Variants in CABCOCO1 observed in about 807,000 individuals in gnomAD.
CABCOCO1 encodes ciliary associated calcium binding coiled-coil 1.
A neutral mutation model predicts 35.7 loss-of-function variants in CABCOCO1; 28 were observed. The ratio of observed to expected loss-of-function variants is 0.78; its 90% CI spans 0.58 to 1.07. The LOEUF is 1.07. Ranked by LOEUF, CABCOCO1 falls within the 50% of genes least tolerant of loss-of-function variation. CABCOCO1 has a pLI of 0.00. For synonymous variants in CABCOCO1, 95 were observed against 100.1 expected, an observed-to-expected ratio of 0.95 and a Z score of 0.30; for missense variants, 326 against 309.2, an observed-to-expected ratio of 1.05 and a Z score of -0.41.
chr10:61,696,682 T>C (rs1191055269), intron 5 of CABCOCO1, among the ~76,000 whole-genome samples: 4 of 151,942 alleles, frequency 2.6e-5, no homozygotes, highest in Non-Finnish European at 5.9e-5. Context: ...TTTTTATTTT[T>C]TTGGTTGAGA....
At chr10:61,672,112 A>AT (rs1265032577) in intron 1 of CABCOCO1, among the ~76,000 whole-genome samples, 1 of 152,164 alleles carries the variant, frequency 6.6e-6, no homozygotes, top group Non-Finnish European at 1.5e-5. Flanking sequence ...GTTCATTCAC[A>AT]TGGGGCATTG....
intron 7 of CABCOCO1, among the ~76,000 whole-genome samples, chr10:61,765,476 G>A (rs1206949645): frequency 6.6e-6 from 1 of 152,182 alleles, no homozygotes; most frequent in Non-Finnish European, 1.5e-5. Flanking sequence ...TGTTCTAATT[G>A]TAAGGTTATT....
intron 5 of CABCOCO1, among the ~76,000 whole-genome samples, chr10:61,704,098 C>T (rs1194834827): frequency 1.3e-5 from 2 of 151,964 alleles, no homozygotes; most frequent in Admixed American, 1.3e-4. Flanking sequence ...GTGGCAGGCA[C>T]CTGCAATCCC....
At chr10:61,752,177 G>C (rs1841802904) in intron 5 of CABCOCO1, among the ~76,000 whole-genome samples, 1 of 152,200 alleles carries the variant, frequency 6.6e-6, no homozygotes, top group African/African-American at 2.4e-5. Context: ...GCCATATATG[G>C]AATAAAAGGC....
chr10:61,743,600 G>A (rs1484380151), intron 5 of CABCOCO1, among the ~76,000 whole-genome samples: 1 of 152,148 alleles, frequency 6.6e-6, no homozygotes, highest in Non-Finnish European at 1.5e-5. Flanking sequence ...CAGAGGTCTT[G>A]TAGTTACAAA....
intron 5 of CABCOCO1, among the ~76,000 whole-genome samples, chr10:61,710,087 A>C (rs778767585): frequency 6.6e-6 from 1 of 152,072 alleles, no homozygotes; most frequent in Non-Finnish European, 1.5e-5. Context: ...AAACAAGAAG[A>C]AATTTGCCTG....
intron 2 of CABCOCO1, among the ~76,000 whole-genome samples, chr10:61,680,241 G>T (rs1839668005): frequency 6.7e-6 from 1 of 149,734 alleles, no homozygotes; most frequent in African/African-American, 2.5e-5. Context: ...GAACTGGAGA[G>T]GCAGCGGTTG....
intron 6 of CABCOCO1, among the ~76,000 whole-genome samples, 192 bp from the exon 7 acceptor site, chr10:61,760,671 G>A (rs1200368791): frequency 6.6e-6 from 1 of 152,004 alleles, no homozygotes; most frequent in Non-Finnish European, 1.5e-5. Context: ...TTAAAACCTA[G>A]ATGACAGGTT....
chr10:61,699,829 A>T (rs1840402819), intron 5 of CABCOCO1, among the ~76,000 whole-genome samples: 2 of 152,140 alleles, frequency 1.3e-5, no homozygotes, highest in Non-Finnish European at 2.9e-5. Flanking sequence ...TACTATCTGT[A>T]ATTCCATGAG....
At chr10:61,725,085 C>T (rs931014184) in intron 5 of CABCOCO1, among the ~76,000 whole-genome samples, 3 of 151,990 alleles carry the variant, frequency 2.0e-5, no homozygotes, top group South Asian at 2.1e-4. Flanking sequence ...CTCTTATTGG[C>T]GATCATTAAA....
intron 6 of CABCOCO1, 66 bp from the exon 7 acceptor site, chr10:61,760,797 A>C: frequency 1.3e-6 from 2 of 1,494,708 alleles, no homozygotes; most frequent in Non-Finnish European, 9.0e-7. Flanking sequence ...AAGAAGTTTT[A>C]GGTTCCATAT....
chr10:61,721,194 G>C (rs901561052), intron 5 of CABCOCO1, among the ~76,000 whole-genome samples: 1 of 151,640 alleles, frequency 6.6e-6, no homozygotes, highest in Non-Finnish European at 1.5e-5. Context: ...AAAGTGCTGG[G>C]ATTACAGGCG....
intron 5 of CABCOCO1, among the ~76,000 whole-genome samples, chr10:61,743,843 T>G (rs1385551454): frequency 6.6e-6 from 1 of 152,206 alleles, no homozygotes; most frequent in Non-Finnish European, 1.5e-5. Flanking sequence ...TTAAGCTTTC[T>G]CTGAATCCCT....
At chr10:61,707,448 T>C (rs1031643720) in intron 5 of CABCOCO1, among the ~76,000 whole-genome samples, 1 of 152,146 alleles carries the variant, frequency 6.6e-6, no homozygotes, top group African/African-American at 2.4e-5. Context: ...GTACTATCTG[T>C]TTAGCCATTT....
intron 5 of CABCOCO1, among the ~76,000 whole-genome samples, chr10:61,739,310 C>T (rs952684964): frequency 6.6e-6 from 1 of 152,158 alleles, no homozygotes; most frequent in Admixed American, 6.5e-5. Flanking sequence ...ATTCAGACTG[C>T]TCTCAAATTT....
At chr10:61,685,090 T>C (rs1033620215) in intron 3 of CABCOCO1, 2 of 152,192 alleles carry the variant, frequency 1.3e-5, no homozygotes, top group Non-Finnish European at 2.9e-5. Context: ...TGCATTTTCA[T>C]CGGGCTCTCA....
At chr10:61,750,864 C>T (rs1292424784) in intron 5 of CABCOCO1, among the ~76,000 whole-genome samples, 1 of 152,184 alleles carries the variant, frequency 6.6e-6, no homozygotes, top group African/African-American at 2.4e-5. Flanking sequence ...GAATGCCCCC[C>T]GTGTATAAAG....
intron 5 of CABCOCO1, among the ~76,000 whole-genome samples, chr10:61,703,326 C>A (rs1057245721): frequency 1.3e-5 from 2 of 151,118 alleles, no homozygotes; most frequent in Non-Finnish European, 2.9e-5. Flanking sequence ...GAATTTTTTT[C>A]GCCCCTATTC....
chr10:61,683,395 A>T (rs1361673781), intron 3 of CABCOCO1, among the ~76,000 whole-genome samples: 3 of 151,190 alleles, frequency 2.0e-5, no homozygotes, highest in East Asian at 1.9e-4. Context: ...CCCCATATCT[A>T]AAAAAAAATT....
Sources: gnomAD v4.1 joint callset for allele counts (sites outside exome capture counted in the v4.1 genomes callset) on GRCh38, gnomAD v4.1.1 for gene constraint, MANE v1.5 for transcripts, NCBI Gene and HGNC (gene_info 2026-07-23, HGNC 2026-07-21) for gene names.